THSD7A: variants seen among roughly 807,000 people sequenced by gnomAD.
THSD7A encodes the protein thrombospondin type-1 domain-containing protein 7A.
A neutral mutation model predicts 231.3 loss-of-function variants in THSD7A; 96 were observed. The ratio of observed to expected loss-of-function variants is 0.41; its 90% CI spans 0.35 to 0.49. The LOEUF is 0.49. THSD7A is among the 20% of genes least tolerant of loss of function. The pLI, the probability that THSD7A is intolerant of heterozygous loss-of-function variation, is 0.05. For synonymous variants in THSD7A, 940 were observed against 743.3 expected (o/e 1.26, Z -4.30); for missense variants, 2,290 against 2,070.2 (o/e 1.11, Z -2.06).
At chr7:11,439,741 TA>T (rs1460329020) in intron 13 of THSD7A, among the ~76,000 whole-genome samples, 1 of 151,996 alleles carries the variant, frequency 6.6e-6, no homozygotes, top group African/African-American at 2.4e-5. Flanking sequence ...GGAAGCTACA[TA>T]AAAAACGTTG....
At chr7:11,754,059 G>C (rs1312223671) in intron 1 of THSD7A, among the ~76,000 whole-genome samples, 1 of 151,854 alleles carries the variant, frequency 6.6e-6, no homozygotes, top group Non-Finnish European at 1.5e-5. Context: ...AAAGAAACTA[G>C]AAAGTTTGGC....
chr7:11,711,197 G>T (rs1050698248), intron 1 of THSD7A, among the ~76,000 whole-genome samples: 2 of 150,852 alleles, frequency 1.3e-5, no homozygotes, highest in Non-Finnish European at 3.0e-5. Context: ...CACAGGCAAG[G>T]AACTGATACT....
rs1782338447 is a variant in THSD7A at position 11,377,826 on chromosome 7, CT to C, written c.4802-1170del. The C allele has an allele frequency of 2.6e-5, 4 of 151,650 alleles. No homozygotes were observed. In the South Asian group the frequency reaches 8.3e-4, roughly 32 times the overall value. The allele number at this position is 151,650 out of a possible 1,614,324, so 9.4% of individuals were successfully genotyped here. A position where few individuals can be genotyped will look rare whatever the true frequency, so the allele number is the denominator to read the frequency against. ...TTTTAAAATTTTAACTTTGGGGAAA[CT>C]ATATATAAAATTTAAAATAATGACA... is the stretch of plus-strand genomic sequence containing the variant. On this transcript the variant is annotated intron_variant, in intron 26 of 27. Transcript: ENST00000423059. The surrounding 1 kb of genome is among the most constrained non-coding windows in gnomAD (Gnocchi z 4.5).
At position 11,446,856 on chromosome 7, in the gene THSD7A, C is replaced by T. The variant is rs1384192970; in HGVS notation, c.2800+374G>A. Among the ~76,000 whole-genome samples the T allele has an allele frequency of 1.3e-5, 2 of 152,086 alleles. No individual in the cohort carries two copies. The highest frequency in any genetic ancestry group is 2.9e-5 in the Non-Finnish European group (2 of 67,990). On this transcript the variant is annotated intron_variant, in intron 12 of 27. Coordinates refer to ENST00000423059, the MANE Select transcript of THSD7A (RefSeq NM_015204.3). This position sits in a 1 kb window ranked among gnomAD's most constrained non-coding sequence, Gnocchi z 4.0. ...CAGAATTAATGCTATATTCCCCCTT[C>T]TAGGTGAGAAAGGATAATCTGAGGC...
chr7:11,404,501 T>C (rs1248818127), intron 22 of THSD7A, among the ~76,000 whole-genome samples: 2 of 152,216 alleles, frequency 1.3e-5, no homozygotes, highest in East Asian at 1.9e-4. Context: ...TCTATGGCCA[T>C]TCAGTACATC....
At chr7:11,583,019 T>C (rs747652175) in intron 4 of THSD7A, among the ~76,000 whole-genome samples, 3 of 152,120 alleles carry the variant, frequency 2.0e-5, no homozygotes, top group Non-Finnish European at 4.4e-5. Flanking sequence ...ACTATTATCC[T>C]CATTTTTATT....
At chr7:11,562,738 T>C (rs920339010) in intron 4 of THSD7A, among the ~76,000 whole-genome samples, 1 of 152,202 alleles carries the variant, frequency 6.6e-6, no homozygotes, top group Non-Finnish European at 1.5e-5. Flanking sequence ...TTTTAAATTT[T>C]TTTCAGTAAG....
At position 11,406,238 on chromosome 7, in the gene THSD7A, C is replaced by CT; in HGVS notation, c.4237+61dup. 1 of 1,510,210 alleles carries CT rather than the reference C, an allele frequency of 6.6e-7. No individual in the cohort carries two copies. The highest frequency in any genetic ancestry group is 1.4e-5 in the African/African-American group (1 of 72,026). The allele number at this position is 1,510,210 out of a possible 1,614,324, so 93.6% of individuals were successfully genotyped here. A position where few individuals can be genotyped will look rare whatever the true frequency, so the allele number is the denominator to read the frequency against. Reference sequence around the variant, plus strand: ...GTAACTTATACTTTATATGCAACCCCTTCACGGCCCTTGTCCTAGGAAAAA... The same window carrying CT: ...GTAACTTATACTTTATATGCAACCCCTTTCACGGCCCTTGTCCTAGGAAAAA... On this transcript the variant is annotated intron_variant, in intron 22 of 27. Transcript: ENST00000423059. This position sits in a 1 kb window ranked among gnomAD's most constrained non-coding sequence, Gnocchi z 4.7.
chr7:11,535,611 G>A (rs1207019865), intron 6 of THSD7A, among the ~76,000 whole-genome samples: 3 of 151,592 alleles, frequency 2.0e-5, no homozygotes, highest in African/African-American at 7.3e-5. Flanking sequence ...AAACACATTA[G>A]AAGACATAAC....
intron 23 of THSD7A, among the ~76,000 whole-genome samples, chr7:11,392,404 C>T (rs539822978): frequency 1.3e-5 from 2 of 152,278 alleles, no homozygotes; most frequent in East Asian, 1.9e-4. Context: ...GAGATTCCCT[C>T]GGGTGCCTAC....
chr7:11,387,698 A>C (rs1782812890), intron 23 of THSD7A, among the ~76,000 whole-genome samples: 2 of 152,168 alleles, frequency 1.3e-5, no homozygotes, highest in Admixed American at 6.5e-5. Context: ...AATACCCTTT[A>C]TTTCTTTCTC....
intron 1 of THSD7A, among the ~76,000 whole-genome samples, chr7:11,649,718 G>A (rs1041119808): frequency 5.3e-5 from 8 of 152,038 alleles, no homozygotes; most frequent in Non-Finnish European, 8.8e-5. Flanking sequence ...ACAGCAGGAA[G>A]TTGAGCAATA....
intron 1 of THSD7A, among the ~76,000 whole-genome samples, chr7:11,675,929 A>C (rs1783621119): frequency 6.6e-6 from 1 of 152,138 alleles, no homozygotes; most frequent in Non-Finnish European, 1.5e-5. Context: ...GGATAGACTA[A>C]CTCCTTAAGT....
At chr7:11,376,139 A>G (rs1297366016) in intron 27 of THSD7A, among the ~76,000 whole-genome samples, 1 of 152,112 alleles carries the variant, frequency 6.6e-6, no homozygotes, top group Non-Finnish European at 1.5e-5. Flanking sequence ...TTTAGTATTA[A>G]CAACAGAAAT....
At chr7:11,623,033 C>A (rs1346216825) in intron 2 of THSD7A, among the ~76,000 whole-genome samples, 1 of 152,114 alleles carries the variant, frequency 6.6e-6, no homozygotes, top group Admixed American at 6.6e-5. Context: ...GATTTTGTAA[C>A]CTGGTCAAAA....
intron 1 of THSD7A, among the ~76,000 whole-genome samples, chr7:11,649,276 C>A (rs1227995187): frequency 6.6e-6 from 1 of 151,966 alleles, no homozygotes; most frequent in Non-Finnish European, 1.5e-5. Flanking sequence ...CCAGTTAATT[C>A]TTAAGAGGAC....
chr7:11,826,337 C>G (rs974584068), intron 1 of THSD7A, among the ~76,000 whole-genome samples: 17 of 152,058 alleles, frequency 1.1e-4, no homozygotes, highest in Non-Finnish European at 7.4e-5. Context: ...AAAATAAATT[C>G]AATTACTTCA....
chr7:11,524,007 T>C (rs1052759905), intron 6 of THSD7A, among the ~76,000 whole-genome samples: 2 of 152,206 alleles, frequency 1.3e-5, no homozygotes, highest in Non-Finnish European at 2.9e-5. Context: ...TTTCTACTTT[T>C]CTATGTAAAA....
intron 23 of THSD7A, among the ~76,000 whole-genome samples, chr7:11,390,535 C>A (rs1277818375): frequency 6.6e-6 from 1 of 152,172 alleles, no homozygotes; most frequent in Non-Finnish European, 1.5e-5. Context: ...AGCTTCCTTG[C>A]ATTTGGTTAG....
Sources: allele counts gnomAD v4.1 joint callset (sites outside exome capture counted in the v4.1 genomes callset), GRCh38; gene constraint gnomAD v4.1.1; non-coding constraint Gnocchi (gnomAD v3.1); transcripts MANE v1.5; gene names NCBI Gene and HGNC (gene_info 2026-07-23, HGNC 2026-07-21).